VIL1: variants seen among roughly 807,000 people sequenced by gnomAD.
VIL1 encodes villin-1.
Under a neutral mutation model 104.0 loss-of-function variants are expected in VIL1, and 86 were observed. The ratio of observed to expected loss-of-function variants is 0.83; its 90% CI spans 0.69 to 0.99. VIL1 has a LOEUF of 0.99. Among genes scored for constraint, VIL1 ranks in the 50% least tolerant of loss-of-function variants. The pLI, the probability that VIL1 is intolerant of heterozygous loss-of-function variation, is 0.00. For missense variants in VIL1, 944 were observed against 1,054.1 expected, an observed-to-expected ratio of 0.90 and a Z score of 1.45; for synonymous variants, 394 against 412.6, an observed-to-expected ratio of 0.95 and a Z score of 0.55.
At chr2:218,438,088 C>A (rs1553534911) in intron 17 of VIL1, among the ~76,000 whole-genome samples, 1 of 152,170 alleles carries the variant, frequency 6.6e-6, no homozygotes, top group Non-Finnish European at 1.5e-5. Context: ...TATCGAGATG[C>A]CAGGTTTTCT....
At chr2:218,432,335 C>G in intron 12 of VIL1, 152 bp downstream of exon 12, 1 of 1,225,778 alleles carries the variant, frequency 8.2e-7, no homozygotes, top group South Asian at 1.4e-5. Flanking sequence ...TGAGGTCCCG[C>G]TAGTACCCCC....
At chr2:218,438,119 C>T (rs1689226580) in intron 17 of VIL1, among the ~76,000 whole-genome samples, 1 of 152,174 alleles carries the variant, frequency 6.6e-6, no homozygotes, top group South Asian at 2.1e-4. Context: ...TAGTTATCAC[C>T]TTTCCCTCAC....
Position 218,431,743 on chromosome 2 carries a change from C to G in VIL1, c.1103-114C>G. 3.5e-6 allele frequency: 3 copies of G among 869,402 alleles called. No individual in the cohort carries two copies. In the South Asian group the frequency reaches 4.6e-5, roughly 13 times the overall value. 53.9% of individuals were successfully genotyped at this position (869,402 alleles called of 1,614,324 possible). A position where few individuals can be genotyped will look rare whatever the true frequency, so the allele number is the denominator to read the frequency against. On this transcript the variant is annotated intron_variant, in intron 10 of 19. Transcript: ENST00000248444. ...GTAAGCTACTGAATCTCTCTTGCCTCGGTTTCCTCATCTGAAAATGAGTCT... is the reference window on the plus strand; with the variant it reads ...GTAAGCTACTGAATCTCTCTTGCCTGGGTTTCCTCATCTGAAAATGAGTCT...
At chr2:218,422,023 G>A (rs956319820) in intron 1 of VIL1, among the ~76,000 whole-genome samples, 2 of 152,156 alleles carry the variant, frequency 1.3e-5, no homozygotes, top group African/African-American at 4.8e-5. Context: ...GGAGGCTGAG[G>A]CGGGTGGATC....
At chr2:218,446,698 A>G (rs1426098701) in intron 19 of VIL1, among the ~76,000 whole-genome samples, 1 of 151,810 alleles carries the variant, frequency 6.6e-6, no homozygotes, top group Non-Finnish European at 1.5e-5. Context: ...AACTCAAGGA[A>G]TACTCAAGGA....
intron 1 of VIL1, among the ~76,000 whole-genome samples, chr2:218,422,361 G>A (rs768768199): frequency 6.6e-6 from 1 of 152,210 alleles, no homozygotes; most frequent in Non-Finnish European, 1.5e-5. Flanking sequence ...ACCTGGTTCT[G>A]CTGGACCAGG....
intron 11 of VIL1, 22 bp downstream of exon 11, chr2:218,431,979 C>G (rs761480305): frequency 6.2e-7 from 1 of 1,614,008 alleles, no homozygotes; most frequent in Non-Finnish European, 8.5e-7. Context: ...CAGAGAGGCC[C>G]GTGCTGGGTG....
At chr2:218,431,990 G>A (rs755730602) in intron 11 of VIL1, 33 bp downstream of exon 11, 6 of 1,613,940 alleles carry the variant, frequency 3.7e-6, no homozygotes, top group South Asian at 1.1e-5. Flanking sequence ...GTGCTGGGTG[G>A]AGCAGGAATG....
At chr2:218,424,796 AC>A (rs1371448744) in intron 3 of VIL1, among the ~76,000 whole-genome samples, 1 of 152,134 alleles carries the variant, frequency 6.6e-6, no homozygotes, top group Non-Finnish European at 1.5e-5. Flanking sequence ...AGCTTGGACT[AC>A]AGGCACGTGC....
chr2:218,436,325 T>C (rs1297912956), intron 15 of VIL1, among the ~76,000 whole-genome samples, 157 bp from the exon 16 acceptor site: 1 of 152,070 alleles, frequency 6.6e-6, no homozygotes, highest in African/African-American at 2.4e-5. Context: ...CAGAGCACTC[T>C]TGGAATGAGA....
intron 1 of VIL1, 111 bp from the exon 2 acceptor site, chr2:218,423,657 C>A: frequency 9.8e-7 from 1 of 1,021,956 alleles, no homozygotes; most frequent in Non-Finnish European, 1.5e-6. Flanking sequence ...TGTGCTCCCC[C>A]AAGCCCCTGA....
At position 218,437,406 on chromosome 2, in the gene VIL1, C is replaced by T. The variant is rs1292468223; in HGVS notation, c.2160+94C>T. On this transcript the variant is annotated intron_variant, in intron 17 of 19. Transcript: ENST00000248444. ...CATTCTGTCTCTTTGGGATATATGA[C>T]CTGCTGATTTAGAAAGGGGCTAGAG... 6 of 1,452,646 alleles carry T rather than the reference C, an allele frequency of 4.1e-6. No individual in the cohort carries two copies. In the African/African-American group the frequency reaches 7.1e-5, roughly 17 times the overall value. The allele number at this position is 1,452,646 out of a possible 1,614,324, so 90.0% of individuals were successfully genotyped here.
intron 18 of VIL1, among the ~76,000 whole-genome samples, chr2:218,439,576 T>C (rs1689249399): frequency 6.6e-6 from 1 of 151,980 alleles, no homozygotes; most frequent in Non-Finnish European, 1.5e-5. Context: ...CTCAGCACTT[T>C]GGGAGGCCGA....
intron 11 of VIL1, 39 bp from the exon 12 acceptor site, chr2:218,432,007 C>T (rs748650349): frequency 6.2e-7 from 1 of 1,613,944 alleles, no homozygotes; most frequent in Non-Finnish European, 8.5e-7. Context: ...AATGGTGGAG[C>T]CTGTCCTGGA....
intron 1 of VIL1, among the ~76,000 whole-genome samples, chr2:218,423,446 A>C (rs1688927629): frequency 6.6e-6 from 1 of 152,082 alleles, no homozygotes; most frequent in South Asian, 2.1e-4. Context: ...ACATGAGGAG[A>C]AAAGCTTGGG....
At chr2:218,427,911 G>A (rs536352076) in intron 4 of VIL1, 54 bp from the exon 5 acceptor site, 6 of 1,552,234 alleles carry the variant, frequency 3.9e-6, no homozygotes, top group South Asian at 3.3e-5. Flanking sequence ...GGAGAACAGG[G>A]GCCAGGCACA....
At chr2:218,436,704 GGTAA>G (rs1689196939) in intron 16 of VIL1, 78 bp downstream of exon 16, 1 of 1,519,658 alleles carries the variant, frequency 6.6e-7, no homozygotes, top group Non-Finnish European at 8.9e-7. Context: ...TTTAAGGTTA[GGTAA>G]GTGTCAATGT....
rs768124017 is a variant in VIL1 at position 218,451,985 on chromosome 2, G to A, written c.*2649G>A. ...CACACACATGTGAATATATCCCTAC[G>A]AAACAGTCTATCTTCTCATAGGCTT... On this transcript the variant is annotated 3_prime_UTR_variant, in exon 20 of 20. Coordinates refer to ENST00000248444, the MANE Select transcript of VIL1 (RefSeq NM_007127.3). 5 of 152,498 alleles carry A rather than the reference G, an allele frequency of 3.3e-5. No homozygotes were observed. Among genetic ancestry groups the A allele is most frequent in the African/African-American group, 4.8e-5 (2 of 41,390 alleles). 9.4% of individuals were successfully genotyped at this position (152,498 alleles called of 1,614,324 possible).
chr2:218,447,973 T>C (rs1412956249), intron 19 of VIL1, among the ~76,000 whole-genome samples: 1 of 152,160 alleles, frequency 6.6e-6, no homozygotes, highest in African/African-American at 2.4e-5. Flanking sequence ...TTAAGAAATG[T>C]TTCTGGCTGG....
Sources: gnomAD v4.1 joint callset for allele counts (sites outside exome capture counted in the v4.1 genomes callset) on GRCh38, gnomAD v4.1.1 for gene constraint, MANE v1.5 for transcripts, NCBI Gene and HGNC (gene_info 2026-07-23, HGNC 2026-07-21) for gene names.